Variants in ABCB7 observed in about 807,000 individuals in gnomAD.
The protein encoded by ABCB7 is iron-sulfur clusters transporter ABCB7, mitochondrial.
ABCB7 carries 7 observed loss-of-function variants against 54.4 expected under a neutral mutation model. The observed-to-expected ratio is 0.13, with a 90% confidence interval of 0.07 to 0.24. ABCB7 has a LOEUF of 0.24. Ranked by LOEUF, ABCB7 falls within the 10% of genes least tolerant of loss-of-function variation. ABCB7 has a pLI of 1.00. For synonymous variants in ABCB7, 218 were observed against 207.1 expected (o/e 1.05, Z -0.45); for missense variants, 356 against 570.4 (o/e 0.62, Z 3.83).
chrX:75,121,230 A>C (rs1038787301), intron 1 of ABCB7, among the ~76,000 whole-genome samples: 3 of 107,957 alleles, frequency 2.8e-5, no homozygotes, highest in Non-Finnish European at 3.9e-5. Context: ...CGGAGGTTGC[A>C]ATGAGCCAAG....
At chrX:75,091,857 C>A (rs1376294880) in intron 4 of ABCB7, among the ~76,000 whole-genome samples, 1 of 111,169 alleles carries the variant, frequency 9.0e-6, no homozygotes, top group Non-Finnish European at 1.9e-5. Flanking sequence ...TACTTCAGTA[C>A]AAATATAACA....
At chrX:75,153,728 CTG>C (rs767240527) in intron 1 of ABCB7, among the ~76,000 whole-genome samples, 15 of 70,323 alleles carry the variant, frequency 2.1e-4, no homozygotes, top group East Asian at 5.0e-4. Flanking sequence ...ACATGTGGGA[CTG>C]TGTGTGTGTG....
At chrX:75,152,287 G>C (rs949289754) in intron 1 of ABCB7, among the ~76,000 whole-genome samples, 4 of 111,712 alleles carry the variant, frequency 3.6e-5, no homozygotes, top group African/African-American at 1.3e-4. Flanking sequence ...ATTAGGACTT[G>C]GAGAGTAGAG....
intron 10 of ABCB7, among the ~76,000 whole-genome samples, 166 bp from the exon 11 acceptor site, chrX:75,069,620 C>T (rs1474398981): frequency 9.0e-6 from 1 of 111,064 alleles, no homozygotes. Context: ...TGTTTTCTCA[C>T]GCTTCATGGC....
At chrX:75,060,465 C>T (rs953609941) in intron 14 of ABCB7, 135 bp from the exon 15 acceptor site, 2 of 490,328 alleles carry the variant, frequency 4.1e-6, no homozygotes, top group Middle Eastern at 4.3e-4. Context: ...TAACTTTATA[C>T]TGATACCAAA....
rs981987663 is a variant in ABCB7 at position 75,069,190 on chromosome X, C to A, written c.1530-54G>T. 7.5e-6 allele frequency: 9 copies of A among 1,199,404 alleles called. No individual in the cohort carries two copies. The African/African-American group carries it at 1.6e-4, about 21-fold the overall frequency. On this transcript the variant is annotated intron_variant, in intron 11 of 15. Transcript: ENST00000373394. ...TAGCTCCTATTAATGTTAGGAAACC[C>A]CAGTTTTAAACCACAGTAATCATTT...
intron 8 of ABCB7, among the ~76,000 whole-genome samples, chrX:75,073,039 C>T (rs1363991314): frequency 1.8e-5 from 2 of 109,613 alleles, no homozygotes; most frequent in Non-Finnish European, 3.8e-5. Context: ...TCTACCTCCA[C>T]ATCTCGTTTT....
intron 2 of ABCB7, among the ~76,000 whole-genome samples, chrX:75,114,376 T>C (rs1212006749): frequency 8.9e-6 from 1 of 112,066 alleles, no homozygotes; most frequent in Non-Finnish European, 1.9e-5. Flanking sequence ...TGGGCTCTAA[T>C]AAGCTTAGAA....
chrX:75,056,103 G>A (rs1307810932), intron 15 of ABCB7, among the ~76,000 whole-genome samples: 1 of 111,694 alleles, frequency 9.0e-6, no homozygotes. Context: ...ATTGGTTAAG[G>A]TGACATCTAC....
intron 4 of ABCB7, among the ~76,000 whole-genome samples, chrX:75,079,293 C>T (rs929276511): frequency 2.7e-5 from 3 of 110,926 alleles, no homozygotes; most frequent in Non-Finnish European, 5.7e-5. Context: ...AAGAAATATG[C>T]CATATATGTT....
chrX:75,064,578 T>C (rs1190569611), intron 13 of ABCB7, among the ~76,000 whole-genome samples: 1 of 111,489 alleles, frequency 9.0e-6, no homozygotes, highest in Non-Finnish European at 1.9e-5. Context: ...ACAAAGGACA[T>C]GAAAATGAAT....
At chrX:75,115,795 G>GA (rs1421223446) in intron 1 of ABCB7, among the ~76,000 whole-genome samples, 1 of 107,396 alleles carries the variant, frequency 9.3e-6, no homozygotes, top group Non-Finnish European at 1.9e-5. Flanking sequence ...TTGGGGGGGG[G>GA]GGCACGGGGC....
At chrX:75,115,363 A>C (rs2081804594) in intron 1 of ABCB7, among the ~76,000 whole-genome samples, 1 of 86,558 alleles carries the variant, frequency 1.2e-5, no homozygotes, top group Admixed American at 1.3e-4. Context: ...TAAATGTCAA[A>C]TTGTACTTTC....
At chrX:75,092,590 T>C (rs2081553241) in intron 4 of ABCB7, among the ~76,000 whole-genome samples, 1 of 111,462 alleles carries the variant, frequency 9.0e-6, no homozygotes, top group African/African-American at 3.3e-5. Flanking sequence ...TAAGAACTTC[T>C]GCTTTACAAA....
chrX:75,135,710 C>T (rs913173862), intron 1 of ABCB7, among the ~76,000 whole-genome samples: 14 of 111,533 alleles, frequency 1.3e-4, no homozygotes, highest in Admixed American at 2.9e-4. Flanking sequence ...TCACCAGAAA[C>T]AGAACTAAAA....
chrX:75,148,351 TTTTG>T (rs2082107419), intron 1 of ABCB7, among the ~76,000 whole-genome samples: 1 of 110,505 alleles, frequency 9.0e-6, no homozygotes, highest in African/African-American at 3.3e-5. Context: ...ATTAAATTTT[TTTTG>T]TTTGTTTTTT....
At position 75,107,459 on chromosome X, in the gene ABCB7, G is replaced by A. The variant is rs949925431; in HGVS notation, c.333+5427C>T. Among the ~76,000 whole-genome samples the A allele has an allele frequency of 8.1e-5, 9 of 111,445 alleles. No individual in the cohort carries two copies. In the East Asian group the frequency reaches 8.6e-4, roughly 11 times the overall value. ...TCCCAAACAGATCCCTTCCTTCCAC[G>A]TGAGGAGAGGGCAGAGTGGGGAGGA... On this transcript the variant is annotated intron_variant, in intron 3 of 15. Transcript: ENST00000373394.
At chrX:75,115,083 C>T (rs190932918) in intron 1 of ABCB7, among the ~76,000 whole-genome samples, 191 of 108,787 alleles carry the variant, frequency 1.8e-3, no homozygotes, top group Non-Finnish European at 2.5e-3. Flanking sequence ...TCCTGGCCAA[C>T]ATGGTGAAAC....
chrX:75,127,171 C>A (rs1352854988), intron 1 of ABCB7, among the ~76,000 whole-genome samples: 9 of 111,461 alleles, frequency 8.1e-5, no homozygotes, highest in Non-Finnish European at 1.7e-4. Flanking sequence ...AAAATACTGG[C>A]AAACTGAATC....
Sources: gnomAD v4.1 joint callset for allele counts (sites outside exome capture counted in the v4.1 genomes callset) on GRCh38, gnomAD v4.1.1 for gene constraint, MANE v1.5 for transcripts, NCBI Gene and HGNC (gene_info 2026-07-23, HGNC 2026-07-21) for gene names.